ABCA4: variants seen among roughly 807,000 people sequenced by gnomAD.
The protein encoded by ABCA4 is ATP binding cassette subfamily A member 4, also known as retinal-specific phospholipid-transporting ATPase ABCA4.
In ABCA4, 196 loss-of-function variants were observed where a neutral mutation model predicts 263.7. That is an observed-to-expected ratio of 0.74 (90% CI 0.66 to 0.84). ABCA4 has a LOEUF of 0.84. Among genes scored for constraint, ABCA4 ranks in the 40% least tolerant of loss-of-function variants. The probability of loss-of-function intolerance (pLI) is 0.00; values close to 1 mark genes in which losing one functional copy is unlikely to be tolerated. For missense variants in ABCA4, 2,792 were observed against 2,855.1 expected, an observed-to-expected ratio of 0.98 and a Z score of 0.50; for synonymous variants, 1,133 against 1,094.2, an observed-to-expected ratio of 1.04 and a Z score of -0.70.
In ABCA4 at chr1:94,043,421, C is replaced by T. The variant is rs2101051486; in HGVS notation, c.3105G>A (p.Gln1035=). ...LFYAQLKGKS[Q]EEAQLEMEAM... ...CTTCCATCTCCAGCTGGGCCTCCTC[C>T]TGGGACTTTCCTTTCAGCTGGGCAT... Residue 1035 remains glutamine (Q), a synonymous_variant, in exon 21 of 50, where the codon CAG becomes CAA. Transcript: ENST00000370225. 1.2e-6 allele frequency: 2 copies of T among 1,614,152 alleles called. No individual in the cohort carries two copies. The highest frequency in any genetic ancestry group is 1.7e-6 in the Non-Finnish European group (2 of 1,180,042).
chr1:94,040,189 G>A, intron 23 of ABCA4, 62 bp from the exon 24 acceptor site: 1 of 1,353,348 alleles, frequency 7.4e-7, no homozygotes, highest in Non-Finnish European at 1.0e-6. Context: ...GCCTCTCCCT[G>A]ATGCCAGCTG....
chr1:94,121,037 G>GAAGCCCATGC lies in ABCA4; in HGVS notation c.-2_8dup (p.Phe3LeufsTer54). The stretch of plus-strand genomic sequence containing the variant: ...AGAGCAAAAGCTGTATCTGTCTCAC[G>GAAGCCCATGC]AAGCCCATGCTAATGACCACACGAA... On this transcript the variant is annotated frameshift_variant, in exon 1 of 50. Transcript: ENST00000370225. LOFTEE classifies it high-confidence loss of function. 6.2e-7 allele frequency: 1 copy of GAAGCCCATGC among 1,614,020 alleles called. No homozygotes were observed. Among genetic ancestry groups the GAAGCCCATGC allele is most frequent in the East Asian group, 2.2e-5 (1 of 44,870 alleles).
In ABCA4 at chr1:93,996,157, A is replaced by T; in HGVS notation, c.6768T>A (p.His2256Gln). 6.2e-7 allele frequency: 1 copy of T among 1,614,098 alleles called. No individual in the cohort carries two copies. The highest frequency in any genetic ancestry group is 8.5e-7 in the Non-Finnish European group (1 of 1,180,038). The change falls in exon 49 of 50, where the codon CAT (histidine) becomes CAA (glutamine). Residue 2256 changes from histidine to glutamine, a missense_variant. By Grantham distance (24) the His-to-Gln change is conservative (BLOSUM62 0). Coordinates refer to ENST00000370225, the MANE Select transcript of ABCA4 (RefSeq NM_000350.3). ...CAGCTCGAGGGTGCAGAGGGAGGTCATGACTTTCAGTCTGCTGTTTAGCAA... is the reference window on the plus strand; with the variant it reads ...CAGCTCGAGGGTGCAGAGGGAGGTCTTGACTTTCAGTCTGCTGTTTAGCAA... The part of the protein sequence containing the change: ...VNFAKQQTES[H>Q]DLPLHPRAAG...
chr1:94,099,215 G>A (rs1423627277), intron 5 of ABCA4, among the ~76,000 whole-genome samples: 1 of 152,192 alleles, frequency 6.6e-6, no homozygotes, highest in East Asian at 1.9e-4. Context: ...GTAGAAGAGG[G>A]AGGCAGAAGA....
intron 20 of ABCA4, among the ~76,000 whole-genome samples, chr1:94,044,157 C>T (rs1418273901): frequency 2.1e-5 from 3 of 145,738 alleles, no homozygotes; most frequent in African/African-American, 7.6e-5. Context: ...TTTTCTTTCA[C>T]AATGACTATG....
At chr1:94,063,535 C>T (rs1661186815) in intron 11 of ABCA4, among the ~76,000 whole-genome samples, 2 of 152,340 alleles carry the variant, frequency 1.3e-5, no homozygotes, top group South Asian at 4.1e-4. Context: ...TGCTGACGTG[C>T]TCTTATCCCT....
At chr1:94,114,388 A>G (rs1557810990) in intron 1 of ABCA4, among the ~76,000 whole-genome samples, 1 of 152,224 alleles carries the variant, frequency 6.6e-6, no homozygotes, top group East Asian at 1.9e-4. Context: ...AACTTTTTAC[A>G]AGATGTTTTA....
chr1:94,015,695 A>G, intron 37 of ABCA4, 44 bp downstream of exon 37: 2 of 1,388,696 alleles, frequency 1.4e-6, no homozygotes, highest in Non-Finnish European at 1.0e-6. Context: ...CCCCACCACC[A>G]GGCTTCTCTT....
chr1:94,077,073 A>C (rs904613492), intron 11 of ABCA4, among the ~76,000 whole-genome samples: 7 of 152,232 alleles, frequency 4.6e-5, no homozygotes, highest in South Asian at 2.1e-4. Context: ...AATTAAATGA[A>C]GCATATGTGT....
At position 94,024,986 on chromosome 1, in the gene ABCA4, C is replaced by G; in HGVS notation, c.4602G>C (p.Leu1534Phe). 1.2e-6 allele frequency: 2 copies of G among 1,614,134 alleles called. No individual in the cohort carries two copies. The highest frequency in any genetic ancestry group is 1.7e-6 in the Non-Finnish European group (2 of 1,180,014). The stretch of plus-strand genomic sequence containing the variant: ...TTATAAGAGCAGGATACGTTTTTAC[C>G]AAGAAGTCGGAGATGTTCCTGTCCG... ...DLTDRNISDF[L>F]VKTYPALIRS... The change falls in exon 31 of 50, where the codon TTG (leucine) becomes TTC (phenylalanine). Residue 1534 changes from leucine (L) to phenylalanine (F), a missense_variant. Physicochemically the swap from Leu to Phe is conservative, Grantham distance 22 (BLOSUM62 0). Coordinates refer to ENST00000370225, the MANE Select transcript of ABCA4 (RefSeq NM_000350.3).
chr1:94,121,131 G>C lies in ABCA4; in HGVS notation c.-86C>G. The C allele has an allele frequency of 8.4e-7, 1 of 1,188,424 alleles. No homozygotes were observed. The highest frequency in any genetic ancestry group is 1.3e-6 in the Non-Finnish European group (1 of 792,764). The allele number at this position is 1,188,424 out of a possible 1,614,324, so 73.6% of individuals were successfully genotyped here. A position where few individuals can be genotyped will look rare whatever the true frequency, so the allele number is the denominator to read the frequency against. On this transcript the variant is annotated 5_prime_UTR_variant, in exon 1 of 50. Transcript: ENST00000370225. ...ATAAACGCCGTTAAGAGCGCCTCTGGCTCCGGACGCTGTGTCCTTCTCCTG... is the reference window on the plus strand; with the variant it reads ...ATAAACGCCGTTAAGAGCGCCTCTGCCTCCGGACGCTGTGTCCTTCTCCTG...
chr1:94,041,750 C>T (rs1272405273), intron 22 of ABCA4, among the ~76,000 whole-genome samples: 1 of 152,132 alleles, frequency 6.6e-6, no homozygotes, highest in Non-Finnish European at 1.5e-5. Flanking sequence ...GATTTATACT[C>T]TTCATAAAGA....
At position 94,029,451 on chromosome 1, in the gene ABCA4, G is replaced by T; in HGVS notation, c.4533C>A (p.Pro1511=). The change falls in exon 30 of 50, where the codon CCC becomes CCA. Residue 1511 remains proline, a synonymous_variant. Coordinates refer to ENST00000370225, the MANE Select transcript of ABCA4 (RefSeq NM_000350.3). The part of the protein sequence containing the change: ...ECPEGAGGLP[P]PQRTQRSTEI... ...TTGTTTGGAGGTCAGGTACCTGGGG[G>T]GGCGGGAGGCCCCCGGCACCCTCGG... is the stretch of plus-strand genomic sequence containing the variant. 3.2e-6 allele frequency: 5 copies of T among 1,551,434 alleles called. No homozygotes were observed. Among genetic ancestry groups the T allele is most frequent in the Non-Finnish European group, 4.4e-6 (5 of 1,147,234 alleles).
chr1:94,010,657 T>C, intron 40 of ABCA4, 143 bp downstream of exon 40: 1 of 1,193,130 alleles, frequency 8.4e-7, no homozygotes, highest in Non-Finnish European at 1.2e-6. Flanking sequence ...CTACTTGTAT[T>C]ATTGGAGAAA....
chr1:94,113,981 G>A (rs1662680630), intron 1 of ABCA4, among the ~76,000 whole-genome samples: 1 of 152,208 alleles, frequency 6.6e-6, no homozygotes, highest in Non-Finnish European at 1.5e-5. Context: ...GGACATGTGA[G>A]TTGGAGAGTA....
chr1:94,098,765 A>G (rs754408038), intron 6 of ABCA4, 29 bp downstream of exon 6: 6 of 1,612,634 alleles, frequency 3.7e-6, no homozygotes, highest in Non-Finnish European at 5.1e-6. Flanking sequence ...TCACCTTGCA[A>G]TTGGCGAGCA....
chr1:94,106,063 C>T (rs987825936), intron 4 of ABCA4, among the ~76,000 whole-genome samples: 2 of 152,222 alleles, frequency 1.3e-5, no homozygotes, highest in African/African-American at 4.8e-5. Context: ...CCTCAAAGAC[C>T]GTGTCCCTTA....
rs548054683 is a variant in ABCA4 at position 94,049,027 on chromosome 1, G to C, written c.2654-70C>G. 3.8e-5 allele frequency: 57 copies of C among 1,507,560 alleles called. 1 individual carries two copies. The African/African-American group carries it at 4.1e-4, about 11-fold the overall frequency. 93.4% of individuals were successfully genotyped at this position (1,507,560 alleles called of 1,614,324 possible). A position where few individuals can be genotyped will look rare whatever the true frequency, so the allele number is the denominator to read the frequency against. On this transcript the variant is annotated intron_variant, in intron 17 of 49. Coordinates refer to ENST00000370225, the MANE Select transcript of ABCA4 (RefSeq NM_000350.3). The stretch of plus-strand genomic sequence containing the variant: ...GAACGAGCAAAGGCAGGAAAGGAGG[G>C]GAGAGGTACAGGGAGCAAATGAGTT...
intron 30 of ABCA4, among the ~76,000 whole-genome samples, chr1:94,026,432 G>C (rs1211033930): frequency 2.6e-5 from 4 of 152,168 alleles, no homozygotes; most frequent in African/African-American, 9.6e-5. Flanking sequence ...CTGAGGTTCA[G>C]AACAGTTAGC....
Sources: allele counts gnomAD v4.1 joint callset (sites outside exome capture counted in the v4.1 genomes callset), GRCh38; gene constraint gnomAD v4.1.1; transcripts MANE v1.5; gene names NCBI Gene and HGNC (gene_info 2026-07-23, HGNC 2026-07-21).